TTC28: variants seen among roughly 807,000 people sequenced by gnomAD.
TTC28 encodes the protein tetratricopeptide repeat domain 28.
In TTC28, 61 loss-of-function variants were observed where a neutral mutation model predicts 198.0. The observed-to-expected ratio is 0.31, with a 90% confidence interval of 0.25 to 0.38. TTC28 has a LOEUF of 0.38. Ranked by LOEUF, TTC28 falls within the 10% of genes least tolerant of loss-of-function variation. The pLI is 1.00. For synonymous variants in TTC28, 1,171 were observed against 1,297.8 expected (o/e 0.90, Z 2.10); for missense variants, 2,678 against 3,164.0 (o/e 0.85, Z 3.69).
At chr22:28,167,402 C>T (rs1213866317) in intron 5 of TTC28, among the ~76,000 whole-genome samples, 8 of 152,186 alleles carry the variant, frequency 5.3e-5, no homozygotes, top group African/African-American at 1.7e-4. Flanking sequence ...CCCTGATGAA[C>T]ATTGATGCAA....
intron 5 of TTC28, among the ~76,000 whole-genome samples, chr22:28,264,463 C>T (rs754356735): frequency 2.0e-5 from 3 of 152,084 alleles, no homozygotes; most frequent in Non-Finnish European, 4.4e-5. Flanking sequence ...CAACACAGAA[C>T]ATAAATTAAA....
At chr22:28,597,006 T>C (rs982487126) in intron 2 of TTC28, among the ~76,000 whole-genome samples, 4 of 152,154 alleles carry the variant, frequency 2.6e-5, no homozygotes, top group Admixed American at 2.0e-4. Flanking sequence ...TGGGAGGATA[T>C]AGGTACCACA....
chr22:28,466,816 T>TACGTAC (rs2048027142), intron 2 of TTC28, among the ~76,000 whole-genome samples: 1 of 70,540 alleles, frequency 1.4e-5, no homozygotes, highest in African/African-American at 5.8e-5. Flanking sequence ...ATTATATACA[T>TACGTAC]ACATACACAC....
chr22:28,247,600 A>G (rs952634488), intron 5 of TTC28, among the ~76,000 whole-genome samples: 3 of 152,200 alleles, frequency 2.0e-5, no homozygotes, highest in East Asian at 3.9e-4. Flanking sequence ...CTCTGAGCAC[A>G]CAGAGGATAC....
intron 2 of TTC28, among the ~76,000 whole-genome samples, chr22:28,468,237 G>A (rs544777170): frequency 2.0e-5 from 3 of 152,266 alleles, no homozygotes; most frequent in African/African-American, 7.2e-5. Flanking sequence ...CCTGCAGCAC[G>A]TCTGCAGCTG....
intron 12 of TTC28, among the ~76,000 whole-genome samples, chr22:28,046,095 A>C (rs1939852523): frequency 6.6e-6 from 1 of 152,236 alleles, no homozygotes; most frequent in South Asian, 2.1e-4. Flanking sequence ...GTACTTAATG[A>C]AATTTTTAGC....
chr22:28,551,846 C>T (rs1192089706), intron 2 of TTC28, among the ~76,000 whole-genome samples: 1 of 152,174 alleles, frequency 6.6e-6, no homozygotes, highest in African/African-American at 2.4e-5. Flanking sequence ...TTCACCACTT[C>T]TATTCAACAT....
intron 1 of TTC28, among the ~76,000 whole-genome samples, chr22:28,640,942 C>T (rs967786392): frequency 5.3e-5 from 8 of 151,994 alleles, no homozygotes; most frequent in Non-Finnish European, 8.8e-5. Context: ...TTATAATAGC[C>T]AAAAAGTGGA....
intron 2 of TTC28, among the ~76,000 whole-genome samples, chr22:28,345,408 C>T (rs1010681620): frequency 6.6e-5 from 10 of 152,146 alleles, no homozygotes; most frequent in Admixed American, 1.3e-4. Flanking sequence ...TCCTCAAGTC[C>T]GGAACCATCT....
intron 1 of TTC28, among the ~76,000 whole-genome samples, chr22:28,677,158 GA>G (rs35292146): frequency 0.058 from 2,633 of 45,018 alleles, 56 homozygotes; most frequent in Admixed American, 0.11. Flanking sequence ...TCCATCTCAG[GA>G]AAAAAAAAAA....
At chr22:28,479,008 G>A (rs997289623) in intron 2 of TTC28, among the ~76,000 whole-genome samples, 4 of 152,042 alleles carry the variant, frequency 2.6e-5, no homozygotes, top group African/African-American at 9.7e-5. Flanking sequence ...TTGAGCAGGG[G>A]CCTATCTTGC....
At chr22:28,279,738 C>T (rs2044547183) in intron 5 of TTC28, among the ~76,000 whole-genome samples, 1 of 152,150 alleles carries the variant, frequency 6.6e-6, no homozygotes, top group South Asian at 2.1e-4. Flanking sequence ...TGAAACATTC[C>T]CATCACCATA....
Position 28,081,613 on chromosome 22 carries a change from C to T in TTC28, c.3932+12467G>A, listed in dbSNP as rs187961310. ...GTTCAAGTGATTCTCCCCCTTCAGC[C>T]TCCTGAGTAGCTGGGATTACAGGCG... On this transcript the variant is annotated intron_variant, in intron 12 of 22. Transcript: ENST00000397906. 1.6e-3 allele frequency among the ~76,000 whole-genome samples: 245 copies of T among 152,132 alleles called. 1 individual carries two copies. Among genetic ancestry groups the T allele is most frequent in the Middle Eastern group, 0.01 (3 of 294 alleles).
intron 2 of TTC28, among the ~76,000 whole-genome samples, chr22:28,572,179 CAAA>C (rs761717479): frequency 8.6e-6 from 1 of 116,482 alleles, no homozygotes; most frequent in Admixed American, 8.7e-5. Context: ...ACTGAAAATA[CAAA>C]AAAAAAAAAA....
chr22:28,275,237 A>G (rs1273372222), intron 5 of TTC28, among the ~76,000 whole-genome samples: 1 of 152,214 alleles, frequency 6.6e-6, no homozygotes, highest in East Asian at 1.9e-4. Context: ...GTCTGGTAAA[A>G]GCTTTGGCAA....
intron 5 of TTC28, among the ~76,000 whole-genome samples, chr22:28,214,771 C>T (rs1052824874): frequency 1.3e-5 from 2 of 152,192 alleles, no homozygotes; most frequent in Non-Finnish European, 2.9e-5. Context: ...ATCCAGCAAT[C>T]CCATTACTTG....
At chr22:28,086,994 G>A (rs1017325773) in intron 12 of TTC28, among the ~76,000 whole-genome samples, 1 of 152,068 alleles carries the variant, frequency 6.6e-6, no homozygotes, top group Non-Finnish European at 1.5e-5. Flanking sequence ...ACCAATAACA[G>A]GCTCCGAAAT....
intron 2 of TTC28, among the ~76,000 whole-genome samples, chr22:28,601,483 T>C (rs928217558): frequency 3.9e-5 from 6 of 152,216 alleles, no homozygotes; most frequent in Non-Finnish European, 8.8e-5. Context: ...TGATACAGTA[T>C]AACAACTATT....
intron 2 of TTC28, among the ~76,000 whole-genome samples, chr22:28,393,077 C>CTTGCTGTGT (rs1014311317): frequency 4.5e-4 from 69 of 152,078 alleles, no homozygotes; most frequent in African/African-American, 1.7e-3. Context: ...GAGATGAGGT[C>CTTGCTGTGT]TTGCTGTGTT....
Sources: gnomAD v4.1 joint callset for allele counts (sites outside exome capture counted in the v4.1 genomes callset) on GRCh38, gnomAD v4.1.1 for gene constraint, MANE v1.5 for transcripts, NCBI Gene and HGNC (gene_info 2026-07-23, HGNC 2026-07-21) for gene names.